Variants in WDR11 observed in about 807,000 individuals in gnomAD.
The protein encoded by WDR11 is WD repeat-containing protein 11.
A neutral mutation model predicts 151.2 loss-of-function variants in WDR11; 83 were observed. The ratio of observed to expected loss-of-function variants is 0.55; its 90% CI spans 0.46 to 0.66. The LOEUF (loss-of-function observed/expected upper bound fraction) is 0.66, where lower values mean the gene tolerates loss of function less well. WDR11 is among the 30% of genes least tolerant of loss of function. WDR11 has a pLI of 0.00. For synonymous variants in WDR11, 484 were observed against 533.1 expected, an observed-to-expected ratio of 0.91 and a Z score of 1.27; for missense variants, 1,301 against 1,480.9, an observed-to-expected ratio of 0.88 and a Z score of 1.99.
chr10:120,867,148 C>T lies in WDR11; in HGVS notation c.1273C>T (p.Leu425Phe). ...AGTGCTACAGAATAAACTCCCAGAC[C>T]TTTCCTTAGATAACATGATTGGTAA... Reference protein sequence around the residue: ...VGVLQNKLPDLSLDNMIGQSA... With the variant: ...VGVLQNKLPDFSLDNMIGQSA... The change falls in exon 9 of 29, where the codon CTT becomes TTT. Residue 425 changes from leucine to phenylalanine, a missense_variant. Leu to Phe is a conservative substitution (Grantham distance 22). Transcript: ENST00000263461. 3 of 1,613,540 alleles carry T rather than the reference C, an allele frequency of 1.9e-6. No homozygotes were observed. The highest frequency in any genetic ancestry group is 1.7e-4 in the Middle Eastern group (1 of 6,058).
chr10:120,857,806 T>A (rs973320648), intron 2 of WDR11, among the ~76,000 whole-genome samples: 4 of 152,206 alleles, frequency 2.6e-5, no homozygotes, highest in African/African-American at 4.8e-5. Context: ...GACACTGTAC[T>A]AAGTCTGAGA....
rs1315135368 is a variant in WDR11 at position 120,906,867 on chromosome 10, A to G, written c.3517+12A>G. The G allele has an allele frequency of 1.2e-6, 2 of 1,614,000 alleles. No homozygotes were observed. Among genetic ancestry groups the G allele is most frequent in the Non-Finnish European group, 1.7e-6 (2 of 1,180,008 alleles). ...CACTGAGGACACAGATATCCTTTGC[A>G]AGGTTGTTTGTAGTGACGAGGAAGA... On this transcript the variant is annotated intron_variant, in intron 28 of 28. Coordinates refer to ENST00000263461, the MANE Select transcript of WDR11 (RefSeq NM_018117.12).
chr10:120,873,775 C>A lies in WDR11; in HGVS notation c.1472-64C>A, dbSNP rs1590076309. 3.4e-5 allele frequency: 39 copies of A among 1,141,388 alleles called. No individual in the cohort carries two copies. The East Asian group carries it at 8.9e-4, about 26-fold the overall frequency. The allele number at this position is 1,141,388 out of a possible 1,614,324, so 70.7% of individuals were successfully genotyped here. On this transcript the variant is annotated intron_variant, in intron 10 of 28. Coordinates refer to ENST00000263461, the MANE Select transcript of WDR11 (RefSeq NM_018117.12). Reference sequence around the variant, plus strand: ...AAGTGATTAAAGTCTTGAGAAAAGACTTTTCTTGCAAAGTGCTGGAACTCC... The same window carrying A: ...AAGTGATTAAAGTCTTGAGAAAAGAATTTTCTTGCAAAGTGCTGGAACTCC...
intron 12 of WDR11, chr10:120,879,810 C>T (rs1250352639): frequency 6.6e-6 from 1 of 152,122 alleles, no homozygotes; most frequent in Non-Finnish European, 1.5e-5. Flanking sequence ...TTTAGGCCTT[C>T]AGTTGTCCTT....
intron 9 of WDR11, 69 bp from the exon 10 acceptor site, chr10:120,871,101 A>C: frequency 6.5e-7 from 1 of 1,533,998 alleles, no homozygotes. Flanking sequence ...TCTACTGAAA[A>C]TTTTCTTTAG....
At position 120,909,098 on chromosome 10, in the gene WDR11, T is replaced by G; in HGVS notation, c.*385T>G. On this transcript the variant is annotated 3_prime_UTR_variant, in exon 29 of 29. Coordinates refer to ENST00000263461, the MANE Select transcript of WDR11 (RefSeq NM_018117.12). ...TATAGTAAATGAAATTTGTGAGATG[T>G]TTTCTCAAATATATGCTGTGCCTGT... The G allele has an allele frequency of 3.7e-6, 1 of 268,392 alleles. No individual in the cohort carries two copies. The highest frequency in any genetic ancestry group is 7.3e-6 in the Non-Finnish European group (1 of 137,638). 16.6% of individuals were successfully genotyped at this position (268,392 alleles called of 1,614,324 possible). A position where few individuals can be genotyped will look rare whatever the true frequency, so the allele number is the denominator to read the frequency against.
At chr10:120,861,160 A>G (rs558146255) in intron 4 of WDR11, among the ~76,000 whole-genome samples, 2 of 152,216 alleles carry the variant, frequency 1.3e-5, no homozygotes, top group African/African-American at 2.4e-5. Context: ...GGAATTAGCT[A>G]TGGTAAGGAA....
chr10:120,908,522 C>G (rs374806984), intron 28 of WDR11, 34 bp from the exon 29 acceptor site: 2 of 1,612,644 alleles, frequency 1.2e-6, no homozygotes, highest in Non-Finnish European at 1.7e-6. Flanking sequence ...CATCACAGCC[C>G]TTTTTACTCT....
At chr10:120,886,859 C>G (rs758046495) in intron 16 of WDR11, 23 bp downstream of exon 16, 1 of 1,613,462 alleles carries the variant, frequency 6.2e-7, no homozygotes, top group African/African-American at 1.3e-5. Context: ...TTGATTAAAT[C>G]TTCATCAAGA....
chr10:120,896,643 C>T (rs988005189), intron 19 of WDR11, among the ~76,000 whole-genome samples: 9 of 152,030 alleles, frequency 5.9e-5, no homozygotes, highest in Middle Eastern at 3.2e-3. Flanking sequence ...TGAACTTTAC[C>T]GGGGTAGTTG....
At chr10:120,886,006 A>G (rs754285995) in intron 15 of WDR11, 68 bp downstream of exon 15, 94 of 1,601,718 alleles carry the variant, frequency 5.9e-5, no homozygotes, top group Admixed American at 2.9e-4. Flanking sequence ...GTTGACAAGT[A>G]TCATCGGAAG....
Position 120,904,036 on chromosome 10 carries a change from T to C in WDR11, c.2932-11T>C, listed in dbSNP as rs1426196808. The C allele has an allele frequency of 2.5e-6, 4 of 1,585,256 alleles. No homozygotes were observed. The highest frequency in any genetic ancestry group is 3.3e-5 in the Admixed American group (2 of 59,864). On this transcript the variant is annotated splice_polypyrimidine_tract_variant and intron_variant, in intron 23 of 28. Coordinates refer to ENST00000263461, the MANE Select transcript of WDR11 (RefSeq NM_018117.12). ...ATCCAGGCTTAATTTTTCTTTTTTTTCCAATTCTAGAAATTTCAGCTAGAA... is the reference window on the plus strand; with the variant it reads ...ATCCAGGCTTAATTTTTCTTTTTTTCCCAATTCTAGAAATTTCAGCTAGAA...
chr10:120,898,376 AG>A (rs1554859832), intron 19 of WDR11, among the ~76,000 whole-genome samples: 10 of 152,252 alleles, frequency 6.6e-5, no homozygotes, highest in Non-Finnish European at 1.5e-5. Flanking sequence ...CATATTTAAA[AG>A]TTATCCAATG....
At chr10:120,886,987 A>G (rs1448803907) in intron 16 of WDR11, 151 bp downstream of exon 16, 1 of 817,006 alleles carries the variant, frequency 1.2e-6, no homozygotes, top group Non-Finnish European at 2.0e-6. Context: ...CTTGTTCCAT[A>G]CTGCTAGAGA....
At chr10:120,883,916 C>A in intron 14 of WDR11, 28 bp downstream of exon 14, 1 of 1,551,282 alleles carries the variant, frequency 6.4e-7, no homozygotes, top group Non-Finnish European at 8.9e-7. Flanking sequence ...AATTTAATAG[C>A]TTATTTAGGT....
chr10:120,860,232 A>G lies in WDR11; in HGVS notation c.476A>G (p.Asp159Gly). 6.2e-7 allele frequency: 1 copy of G among 1,614,214 alleles called. No individual in the cohort carries two copies. Among genetic ancestry groups the G allele is most frequent in the Non-Finnish European group, 8.5e-7 (1 of 1,180,046 alleles). ...AAACTATGGAAGAAGAGCTATGCAGATAACATTCTTTCTTTTTCTTTTGAC... is the reference window on the plus strand; with the variant it reads ...AAACTATGGAAGAAGAGCTATGCAGGTAACATTCTTTCTTTTTCTTTTGAC... ...GTKLWKKSYADNILSFSFDPF... is the reference protein window; with the variant it reads ...GTKLWKKSYAGNILSFSFDPF... Residue 159 changes from aspartate to glycine, a missense_variant, in exon 4 of 29, where the codon GAT becomes GGT. Physicochemically the swap from Asp to Gly is moderately conservative, Grantham distance 94 (BLOSUM62 -1). This residue lies in a region of WDR11 where 692 missense variants were observed against 762.5 expected (regional missense o/e 0.91). Coordinates refer to ENST00000263461, the MANE Select transcript of WDR11 (RefSeq NM_018117.12).
intron 19 of WDR11, among the ~76,000 whole-genome samples, chr10:120,896,266 A>G (rs555130779): frequency 8.5e-4 from 130 of 152,314 alleles, no homozygotes; most frequent in African/African-American, 3.0e-3. Context: ...ACGTTTGCTT[A>G]CTAAAACACA....
At position 120,903,225 on chromosome 10, in the gene WDR11, A is replaced by G. The variant is rs749368655; in HGVS notation, c.2924A>G (p.Tyr975Cys). The change falls in exon 23 of 29, where the codon TAC (tyrosine) becomes TGC (cysteine). Residue 975 changes from tyrosine to cysteine, a missense_variant. Around this residue, in one of 3 missense-constraint regions of WDR11, gnomAD observed 589 missense variants for 670.6 expected, o/e 0.88. Transcript: ENST00000263461. ...ICYDVLCENAYFQKFQLERVN... is the reference protein window; with the variant it reads ...ICYDVLCENACFQKFQLERVN... ...TATGACGTGCTCTGTGAAAATGCCT[A>G]CTTTCAGGTAGTCTGCTTCACACAG... is the stretch of plus-strand genomic sequence containing the variant. The G allele has an allele frequency of 3.7e-6, 6 of 1,614,134 alleles. No individual in the cohort carries two copies. The highest frequency in any genetic ancestry group is 3.3e-5 in the South Asian group (3 of 91,080).
In WDR11 at chr10:120,906,030, A is replaced by G; in HGVS notation, c.3437+9A>G. On this transcript the variant is annotated intron_variant, in intron 27 of 28. Coordinates refer to ENST00000263461, the MANE Select transcript of WDR11 (RefSeq NM_018117.12). ...GCAGAGACGCTTCACAGGTAAACCG[A>G]GAGTTCACATGGGCTGCTCAGGCCT... 1 of 1,613,220 alleles carries G rather than the reference A, an allele frequency of 6.2e-7. No individual in the cohort carries two copies. The highest frequency in any genetic ancestry group is 8.5e-7 in the Non-Finnish European group (1 of 1,180,016).
Sources: gnomAD v4.1 joint callset for allele counts (sites outside exome capture counted in the v4.1 genomes callset) on GRCh38, gnomAD v4.1.1 for gene constraint, gnomAD v4.1.1 regional missense constraint, MANE v1.5 for transcripts, NCBI Gene and HGNC (gene_info 2026-07-23, HGNC 2026-07-21) for gene names.